The following KIAA1217 variants were observed in gnomAD, a reference collection of about 807,000 sequenced individuals.
KIAA1217 encodes the protein sickle tail protein homolog.
Under a neutral mutation model 163.9 loss-of-function variants are expected in KIAA1217, and 88 were observed. That is an observed-to-expected ratio of 0.54 (90% CI 0.45 to 0.64). The LOEUF is 0.64. Ranked by LOEUF, KIAA1217 falls within the 30% of genes least tolerant of loss-of-function variation. The pLI is 0.00. For synonymous variants in KIAA1217, 903 were observed against 923.1 expected (o/e 0.98, Z 0.39); for missense variants, 2,372 against 2,475.0 (o/e 0.96, Z 0.88).
intron 2 of KIAA1217, chr10:24,158,415 T>A (rs1589715251): frequency 8.5e-6 from 5 of 589,696 alleles, no homozygotes; most frequent in East Asian, 8.6e-5. Context: ...TTGCACAGTA[T>A]GGGAATATCT....
intron 2 of KIAA1217, among the ~76,000 whole-genome samples, chr10:24,134,659 G>C (rs538255951): frequency 6.6e-6 from 1 of 152,026 alleles, no homozygotes; most frequent in African/African-American, 2.4e-5. Flanking sequence ...CTGCAGCCTC[G>C]AACCCCTGGG....
At chr10:23,707,631 T>C (rs1836977471) in intron 1 of KIAA1217, among the ~76,000 whole-genome samples, 1 of 152,168 alleles carries the variant, frequency 6.6e-6, no homozygotes, top group Admixed American at 6.5e-5. Context: ...TTAGATACAA[T>C]GTTCACTATT....
chr10:24,012,306 C>A (rs1297118736), intron 2 of KIAA1217, among the ~76,000 whole-genome samples: 1 of 152,116 alleles, frequency 6.6e-6, no homozygotes, highest in African/African-American at 2.4e-5. Flanking sequence ...AACCTAGGGT[C>A]TTGGCTCCAC....
chr10:24,073,315 G>A (rs1379585918), intron 2 of KIAA1217, among the ~76,000 whole-genome samples: 3 of 152,048 alleles, frequency 2.0e-5, no homozygotes, highest in Non-Finnish European at 4.4e-5. Context: ...CATGTGAGTA[G>A]CGAGCCGTTC....
intron 1 of KIAA1217, among the ~76,000 whole-genome samples, chr10:23,907,654 C>T: frequency 6.6e-6 from 1 of 152,044 alleles, no homozygotes; most frequent in East Asian, 1.9e-4. Context: ...TCTATTTGGG[C>T]CCTCCACGGG....
chr10:24,235,459 A>G (rs2072102537), intron 2 of KIAA1217, among the ~76,000 whole-genome samples: 1 of 152,214 alleles, frequency 6.6e-6, no homozygotes, highest in South Asian at 2.1e-4. Context: ...TTTTGGTGAT[A>G]CTTGTAGTGT....
chr10:23,985,967 G>T (rs1845953576), intron 1 of KIAA1217, among the ~76,000 whole-genome samples: 1 of 152,142 alleles, frequency 6.6e-6, no homozygotes, highest in Non-Finnish European at 1.5e-5. Context: ...TGCGTCCCAT[G>T]GCAGAAAGAG....
At chr10:24,052,894 T>C (rs1469073971) in intron 2 of KIAA1217, among the ~76,000 whole-genome samples, 2 of 152,182 alleles carry the variant, frequency 1.3e-5, no homozygotes, top group Admixed American at 6.5e-5. Flanking sequence ...TACCCATCTC[T>C]TCTATAATCA....
At chr10:23,733,969 G>A (rs1030348198) in intron 1 of KIAA1217, among the ~76,000 whole-genome samples, 3 of 151,948 alleles carry the variant, frequency 2.0e-5, no homozygotes, top group African/African-American at 7.2e-5. Context: ...ATTCCTGATT[G>A]TTCCTTATCA....
In KIAA1217 at chr10:24,272,495, T is replaced by C. The variant is rs149052084; in HGVS notation, c.354+52586T>C. ...AGAGTACGAGTTCTAAAAGCTACTC[T>C]AGGGAGCTCTGCATTCACCAAGCCG... is the stretch of plus-strand genomic sequence containing the variant. On this transcript the variant is annotated intron_variant, in intron 2 of 20. Transcript: ENST00000376454. Among the ~76,000 whole-genome samples, 735 of 152,306 alleles carry C rather than the reference T, an allele frequency of 4.8e-3. 10 individuals are homozygous for C. Among genetic ancestry groups the C allele is most frequent in the African/African-American group, 0.017 (697 of 41,568 alleles).
In KIAA1217 at chr10:24,533,232, C is replaced by A; in HGVS notation, c.3409C>A (p.Leu1137Ile). ...EEEGDKIMAE[L>I]QAFQKCSFMD... is the part of the protein sequence containing the mutation. ...AGAAGGAGACAAAATAATGGCAGAA[C>A]TCCAGGTATGTGGATGAGGTGACTG... The change falls in exon 16 of 21, where the codon CTC becomes ATC. Residue 1137 changes from leucine to isoleucine, a missense_variant. Leu to Ile is a conservative substitution (Grantham distance 5, BLOSUM62 2). Coordinates refer to ENST00000376454, the MANE Select transcript of KIAA1217 (RefSeq NM_019590.5). 1 of 1,609,620 alleles carries A rather than the reference C, an allele frequency of 6.2e-7. No individual in the cohort carries two copies. Among genetic ancestry groups the A allele is most frequent in the Non-Finnish European group, 8.5e-7 (1 of 1,178,034 alleles).
intron 17 of KIAA1217, among the ~76,000 whole-genome samples, chr10:24,538,785 A>C (rs1592782648): frequency 8.3e-6 from 1 of 120,336 alleles, no homozygotes; most frequent in Non-Finnish European, 1.6e-5. Context: ...CCCAGGCTGG[A>C]TTGCTGTGAC....
chr10:23,937,075 G>C (rs1163856054), intron 1 of KIAA1217, among the ~76,000 whole-genome samples: 2 of 152,008 alleles, frequency 1.3e-5, no homozygotes, highest in African/African-American at 4.8e-5. Flanking sequence ...GGTTTTCGCC[G>C]TGTTAGGCAG....
At chr10:23,747,899 T>C (rs1468405810) in intron 1 of KIAA1217, among the ~76,000 whole-genome samples, 1 of 152,178 alleles carries the variant, frequency 6.6e-6, no homozygotes, top group Non-Finnish European at 1.5e-5. Flanking sequence ...TGGGCTGTTT[T>C]GCAATGAGAG....
At chr10:23,834,080 GCTGT>G (rs1198714569) in intron 1 of KIAA1217, among the ~76,000 whole-genome samples, 1 of 151,886 alleles carries the variant, frequency 6.6e-6, no homozygotes, top group Non-Finnish European at 1.5e-5. Context: ...GATGTTTTTG[GCTGT>G]CTTTGCTAGG....
chr10:23,714,384 A>T (rs1268651058), intron 1 of KIAA1217, among the ~76,000 whole-genome samples: 1 of 152,042 alleles, frequency 6.6e-6, no homozygotes, highest in Non-Finnish European at 1.5e-5. Flanking sequence ...ACAGGGGAGG[A>T]AGAGAAGCCA....
At chr10:24,493,810 C>T (rs930881688) in intron 6 of KIAA1217, among the ~76,000 whole-genome samples, 1 of 152,112 alleles carries the variant, frequency 6.6e-6, no homozygotes, top group Non-Finnish European at 1.5e-5. Context: ...CTCTTTTGCC[C>T]AGTCTGTAGT....
At chr10:24,368,967 C>T (rs12258591) in intron 2 of KIAA1217, 80,674 of 653,552 alleles carry the variant, frequency 0.12, 6,431 homozygotes, top group African/African-American at 0.31. Flanking sequence ...AAGTGAGAAC[C>T]GAGGTTCAGA....
intron 2 of KIAA1217, among the ~76,000 whole-genome samples, chr10:24,052,590 G>T (rs1052992186): frequency 6.6e-6 from 1 of 151,290 alleles, no homozygotes; most frequent in South Asian, 2.1e-4. Flanking sequence ...TCAGTTCTTG[G>T]TGCTTCCAAC....
Sources: gnomAD v4.1 joint callset for allele counts (sites outside exome capture counted in the v4.1 genomes callset) on GRCh38, gnomAD v4.1.1 for gene constraint, MANE v1.5 for transcripts, NCBI Gene and HGNC (gene_info 2026-07-23, HGNC 2026-07-21) for gene names.